The following ADAM2 variants were observed in gnomAD, a reference collection of about 807,000 sequenced individuals.
ADAM2 encodes the protein disintegrin and metalloproteinase domain-containing protein 2.
Under a neutral mutation model 99.3 loss-of-function variants are expected in ADAM2, and 101 were observed. The ratio of observed to expected loss-of-function variants is 1.02; its 90% CI spans 0.87 to 1.20. The LOEUF is 1.20. Ranked by LOEUF, ADAM2 falls within the 50% of genes most tolerant of loss-of-function variation. ADAM2 has a pLI of 0.00. For synonymous variants in ADAM2, 323 were observed against 287.6 expected (o/e 1.12, Z -1.25); for missense variants, 948 against 878.7 (o/e 1.08, Z -1.00).
chr8:39,759,985 G>C (rs1458066197), intron 15 of ADAM2, among the ~76,000 whole-genome samples: 3 of 152,126 alleles, frequency 2.0e-5, no homozygotes, highest in South Asian at 2.1e-4. Context: ...TCCTGCCTCA[G>C]CCTCTCGAGT....
At chr8:39,749,864 A>G (rs1823651759) in intron 16 of ADAM2, 120 bp from the exon 17 acceptor site, 1 of 666,286 alleles carries the variant, frequency 1.5e-6, no homozygotes, top group South Asian at 1.9e-5. Flanking sequence ...TGATTTAGCA[A>G]CAAGAATTAG....
At chr8:39,821,250 T>C (rs1431912725) in intron 5 of ADAM2, 80 bp from the exon 6 acceptor site, 3 of 977,702 alleles carry the variant, frequency 3.1e-6, no homozygotes, top group African/African-American at 3.3e-5. Context: ...GCATTATTTT[T>C]TCATGGTATG....
intron 7 of ADAM2, among the ~76,000 whole-genome samples, chr8:39,793,046 C>A (rs143702055): frequency 6.6e-6 from 1 of 152,112 alleles, no homozygotes; most frequent in African/African-American, 2.4e-5. Flanking sequence ...ATCCTCCCTC[C>A]CTGCACCAGG....
At chr8:39,826,588 TG>T (rs1190404982) in intron 3 of ADAM2, among the ~76,000 whole-genome samples, 3 of 150,380 alleles carry the variant, frequency 2.0e-5, no homozygotes, top group Non-Finnish European at 4.4e-5. Context: ...CCAGGCATGG[TG>T]GTGGGCGCCT....
In ADAM2 at chr8:39,825,973, G is replaced by T. The variant is rs534170033; in HGVS notation, c.189-1076C>A. Among the ~76,000 whole-genome samples the T allele has an allele frequency of 1.6e-4, 25 of 152,138 alleles. No individual in the cohort carries two copies. In the Middle Eastern group the frequency reaches 0.01, roughly 62 times the overall value. On this transcript the variant is annotated intron_variant, in intron 3 of 20. Transcript: ENST00000265708. ...TGCACTGAATCTGTAGATTGCTTTG[G>T]GTACTATGGACATTTTAGCAATATT... is the stretch of plus-strand genomic sequence containing the variant.
At chr8:39,810,971 C>A (rs1483370544) in intron 6 of ADAM2, among the ~76,000 whole-genome samples, 1 of 151,682 alleles carries the variant, frequency 6.6e-6, no homozygotes, top group African/African-American at 2.4e-5. Context: ...CAAAAAAAAA[C>A]CCTTCAAAAA....
At chr8:39,753,565 C>T (rs2129583142) in intron 16 of ADAM2, among the ~76,000 whole-genome samples, 1 of 152,218 alleles carries the variant, frequency 6.6e-6, no homozygotes, top group Non-Finnish European at 1.5e-5. Context: ...CATGGTAGCC[C>T]TTCCCATCAC....
rs773122678 is a variant in ADAM2 at position 39,788,753 on chromosome 8, A to T, written c.571-13T>A. On this transcript the variant is annotated splice_polypyrimidine_tract_variant and intron_variant, in intron 7 of 20. Coordinates refer to ENST00000265708, the MANE Select transcript of ADAM2 (RefSeq NM_001464.5). The stretch of plus-strand genomic sequence containing the variant: ...CCATATGATTATACTGTAAAATATT[A>T]TTACATTTTAGATATAAATATATAT... 22 of 1,370,468 alleles carry T rather than the reference A, an allele frequency of 1.6e-5. 1 individual carries two copies. The African/African-American group carries it at 3.0e-4, about 19-fold the overall frequency. The allele number at this position is 1,370,468 out of a possible 1,614,324, so 84.9% of individuals were successfully genotyped here. A position where few individuals can be genotyped will look rare whatever the true frequency, so the allele number is the denominator to read the frequency against.
chr8:39,827,384 C>A (rs1057444943), intron 3 of ADAM2, among the ~76,000 whole-genome samples: 1 of 152,076 alleles, frequency 6.6e-6, no homozygotes, highest in Non-Finnish European at 1.5e-5. Context: ...CTTTACTGGG[C>A]ATATATCCAA....
chr8:39,829,248 C>T (rs778646054), intron 3 of ADAM2, among the ~76,000 whole-genome samples: 3 of 151,720 alleles, frequency 2.0e-5, no homozygotes. Context: ...ATATAACTTA[C>T]CATAATGGAA....
intron 2 of ADAM2, among the ~76,000 whole-genome samples, chr8:39,835,546 G>A (rs1337596938): frequency 6.6e-6 from 1 of 151,958 alleles, no homozygotes; most frequent in Non-Finnish European, 1.5e-5. Context: ...AGCTGGGCTT[G>A]GTGGCAGGTG....
chr8:39,745,577 A>T (rs1823408987), intron 19 of ADAM2, among the ~76,000 whole-genome samples: 2 of 152,010 alleles, frequency 1.3e-5, no homozygotes, highest in African/African-American at 4.8e-5. Flanking sequence ...TTTTATTTTT[A>T]ATAGAAGTTA....
At chr8:39,820,130 C>T (rs1423437365) in intron 6 of ADAM2, among the ~76,000 whole-genome samples, 1 of 152,092 alleles carries the variant, frequency 6.6e-6, no homozygotes, top group East Asian at 1.9e-4. Context: ...GTATATGATA[C>T]TTTTGAACAT....
chr8:39,813,987 A>C (rs917083454), intron 6 of ADAM2, among the ~76,000 whole-genome samples: 44 of 151,774 alleles, frequency 2.9e-4, no homozygotes, highest in African/African-American at 1.0e-3. Flanking sequence ...AGAAAAAAAA[A>C]AGAAAAGAAA....
intron 11 of ADAM2, among the ~76,000 whole-genome samples, chr8:39,772,937 T>TA (rs1802840005): frequency 6.6e-6 from 1 of 151,838 alleles, no homozygotes; most frequent in African/African-American, 2.4e-5. Flanking sequence ...AATTACTAAC[T>TA]AAAAACAGAA....
chr8:39,808,918 AAAAT>A (rs755612582), intron 7 of ADAM2, among the ~76,000 whole-genome samples: 3 of 152,158 alleles, frequency 2.0e-5, no homozygotes, highest in Non-Finnish European at 4.4e-5. Context: ...TCCATCACAA[AAAAT>A]AAATAAATAA....
At chr8:39,834,732 CAAAAAA>C (rs79431764) in intron 2 of ADAM2, among the ~76,000 whole-genome samples, 3 of 52,962 alleles carry the variant, frequency 5.7e-5, no homozygotes, top group Admixed American at 2.4e-4. Context: ...AAGACTCCAT[CAAAAAA>C]AAAAAAAAAA....
intron 18 of ADAM2, among the ~76,000 whole-genome samples, chr8:39,746,847 A>AT (rs1442514384): frequency 6.6e-6 from 1 of 152,136 alleles, no homozygotes; most frequent in Non-Finnish European, 1.5e-5. Flanking sequence ...TGGTGGGCTG[A>AT]TACTTTGCTG....
intron 20 of ADAM2, among the ~76,000 whole-genome samples, chr8:39,744,347 C>T (rs934238013): frequency 1.3e-5 from 2 of 151,664 alleles, no homozygotes; most frequent in African/African-American, 4.8e-5. Context: ...AAATAGTCTC[C>T]AATTTATTTT....
Sources: allele counts gnomAD v4.1 joint callset (sites outside exome capture counted in the v4.1 genomes callset), GRCh38; gene constraint gnomAD v4.1.1; transcripts MANE v1.5; gene names NCBI Gene and HGNC (gene_info 2026-07-23, HGNC 2026-07-21).